The following AP2M1 variants were observed in gnomAD, a reference collection of about 807,000 sequenced individuals.
The protein encoded by AP2M1 is AP-2 complex subunit mu.
Under a neutral mutation model 54.5 loss-of-function variants are expected in AP2M1, and 5 were observed. The observed-to-expected ratio is 0.09, with a 90% CI of 0.05 to 0.19. The LOEUF (loss-of-function observed/expected upper bound fraction) is 0.19, where lower values mean the gene tolerates loss of function less well. Ranked by LOEUF, AP2M1 falls within the 10% of genes least tolerant of loss-of-function variation. The probability of loss-of-function intolerance (pLI) is 1.00; values close to 1 mark genes in which losing one functional copy is unlikely to be tolerated. For synonymous variants in AP2M1, 186 were observed against 208.2 expected (o/e 0.89, Z 0.92); for missense variants, 178 against 580.2 (o/e 0.31, Z 7.12).
intron 1 of AP2M1, 61 bp from the exon 2 acceptor site, chr3:184,176,890 C>A: frequency 8.1e-7 from 1 of 1,236,254 alleles, no homozygotes; most frequent in Non-Finnish European, 1.1e-6. Flanking sequence ...CTGCACAGCT[C>A]CACAGGGGAT....
At chr3:184,176,649 T>G in intron 1 of AP2M1, 2 of 376,948 alleles carry the variant, frequency 5.3e-6, no homozygotes, top group South Asian at 1.2e-4. Flanking sequence ...CCGAAAAGGA[T>G]CATTCCTGAG....
rs1234478522 is a variant in AP2M1 at position 184,182,610 on chromosome 3, T to C, written c.1062-147T>C. ...CTAAAGAAGTAGACCCAAGTTTCCA[T>C]AGCAAGTGGTTAGCAGGGTCCTGAC... On this transcript the variant is annotated intron_variant, in intron 10 of 11. Transcript: ENST00000292807. The surrounding 1 kb of genome is among the most constrained non-coding windows in gnomAD (Gnocchi z 5.5). 4.6e-6 allele frequency: 3 copies of C among 648,208 alleles called. No individual in the cohort carries two copies. Among genetic ancestry groups the C allele is most frequent in the African/African-American group, 1.8e-5 (1 of 54,592 alleles). 40.2% of individuals were successfully genotyped at this position (648,208 alleles called of 1,614,324 possible). A position where few individuals can be genotyped will look rare whatever the true frequency, so the allele number is the denominator to read the frequency against.
rs1365734309 is a variant in AP2M1, at chr3:184,180,918, A to C, written c.499A>C (p.Lys167Gln). The C allele has an allele frequency of 6.2e-7, 1 of 1,614,056 alleles. No homozygotes were observed. The highest frequency in any genetic ancestry group is 1.3e-5 in the African/African-American group (1 of 74,910). The change falls in exon 6 of 12, where the codon AAG becomes CAG. Residue 167 changes from lysine to glutamine, a missense_variant. By Grantham distance (53) the Lys-to-Gln change is moderately conservative (BLOSUM62 1). Around this residue, in one of 5 missense-constraint regions of AP2M1, gnomAD observed 115 missense variants for 331.2 expected, o/e 0.35. Coordinates refer to ENST00000292807, the MANE Select transcript of AP2M1 (RefSeq NM_004068.4). The surrounding 1 kb of genome is among the most constrained non-coding windows in gnomAD (Gnocchi z 4.9). ...GATTGGCTGGCGGCGAGAGGGTATC[A>C]AGTATCGTCGGAATGAGCTCTTCCT... ...GQIGWRREGIKYRRNELFLDV... is the reference protein window; with the variant it reads ...GQIGWRREGIQYRRNELFLDV...
chr3:184,177,636 G>C (rs1478597404), intron 2 of AP2M1: 4 of 1,531,466 alleles, frequency 2.6e-6, no homozygotes, highest in Non-Finnish European at 3.5e-6. Flanking sequence ...GGGTCACTGT[G>C]GGAGGGCAGG....
chr3:184,183,568 A>G lies in AP2M1; in HGVS notation c.1260A>G (p.Lys420=). Residue 420 remains lysine (K), a synonymous_variant, in exon 12 of 12, where the codon AAA becomes AAG. Transcript: ENST00000292807. This position sits in a 1 kb window ranked among gnomAD's most constrained non-coding sequence, Gnocchi z 5.7. ...KLNYSDHDVI[K]WVRYIGRSGI... ...ACTACAGCGACCATGATGTCATCAA[A>G]TGGGTGCGCTACATTGGCCGCAGTG... is the stretch of plus-strand genomic sequence containing the variant. The G allele has an allele frequency of 6.2e-7, 1 of 1,614,094 alleles. No homozygotes were observed. The highest frequency in any genetic ancestry group is 1.7e-5 in the Admixed American group (1 of 60,022).
rs915440016 is a variant in AP2M1 at position 184,174,874 on chromosome 3, C to T, written c.-129C>T. The T allele has an allele frequency of 1.8e-5, 7 of 398,084 alleles. No individual in the cohort carries two copies. The highest frequency in any genetic ancestry group is 3.1e-5 in the Non-Finnish European group (7 of 225,726). The allele number at this position is 398,084 out of a possible 1,614,324, so 24.7% of individuals were successfully genotyped here. ...GGCGGCACTGCGGTGAAAGCCGAGG[C>T]AGCGGGCAGACGAGCAGGGGGCGGG... On this transcript the variant is annotated 5_prime_UTR_variant, in exon 1 of 12. Transcript: ENST00000292807.
In AP2M1 at chr3:184,183,246, A is replaced by C. The variant is rs1034936423; in HGVS notation, c.1174-236A>C. ...TATTGAGCAGGATAAGTATGTTCTA[A>C]AGCAGTTCTTTGGTTGCTGTCTCCT... On this transcript the variant is annotated intron_variant, in intron 11 of 11. Coordinates refer to ENST00000292807, the MANE Select transcript of AP2M1 (RefSeq NM_004068.4). This position sits in a 1 kb window ranked among gnomAD's most constrained non-coding sequence, Gnocchi z 5.7. The C allele has an allele frequency of 1.7e-6, 1 of 589,206 alleles. No homozygotes were observed. Among genetic ancestry groups the C allele is most frequent in the Non-Finnish European group, 3.0e-6 (1 of 334,652 alleles). 36.5% of individuals were successfully genotyped at this position (589,206 alleles called of 1,614,324 possible). A position where few individuals can be genotyped will look rare whatever the true frequency, so the allele number is the denominator to read the frequency against.
chr3:184,180,426 G>A lies in AP2M1; in HGVS notation c.423+175G>A, dbSNP rs983014062. The A allele has an allele frequency of 4.8e-6, 5 of 1,042,572 alleles. No individual in the cohort carries two copies. The African/African-American group carries it at 4.8e-5, about 10-fold the overall frequency. The allele number at this position is 1,042,572 out of a possible 1,614,324, so 64.6% of individuals were successfully genotyped here. ...GCTCTGTGTGGTCCTCCCACTGCAGGAGCAGCCAATTCAGCATCTCTATTA... is the reference window on the plus strand; with the variant it reads ...GCTCTGTGTGGTCCTCCCACTGCAGAAGCAGCCAATTCAGCATCTCTATTA... On this transcript the variant is annotated intron_variant, in intron 4 of 11. Transcript: ENST00000292807. The surrounding 1 kb of genome is among the most constrained non-coding windows in gnomAD (Gnocchi z 4.9).
In AP2M1 at chr3:184,182,438, G is replaced by T. The variant is rs530263812; in HGVS notation, c.1061+190G>T. The T allele has an allele frequency of 2.9e-5, 18 of 629,050 alleles. No individual in the cohort carries two copies. The highest frequency in any genetic ancestry group is 6.3e-5 in the South Asian group (3 of 47,808). The allele number at this position is 629,050 out of a possible 1,614,324, so 39.0% of individuals were successfully genotyped here. On this transcript the variant is annotated intron_variant, in intron 10 of 11. Transcript: ENST00000292807. The surrounding 1 kb of genome is among the most constrained non-coding windows in gnomAD (Gnocchi z 5.5). The stretch of plus-strand genomic sequence containing the variant: ...CACGCCTGCATTTGGGTTCATGCAC[G>T]TGCTTATTTTTTAAGATGCTTTGGC...
chr3:184,183,730 T>A lies in AP2M1; in HGVS notation c.*114T>A, dbSNP rs1304205976. 2 of 1,272,366 alleles carry A rather than the reference T, an allele frequency of 1.6e-6. No individual in the cohort carries two copies. The highest frequency in any genetic ancestry group is 2.2e-6 in the Non-Finnish European group (2 of 917,426). 78.8% of individuals were successfully genotyped at this position (1,272,366 alleles called of 1,614,324 possible). On this transcript the variant is annotated 3_prime_UTR_variant, in exon 12 of 12. Transcript: ENST00000292807. This position sits in a 1 kb window ranked among gnomAD's most constrained non-coding sequence, Gnocchi z 5.7. Reference sequence around the variant, plus strand: ...CTCCCTCCTGCTTTGCTGCCTTCCCTTTGCACCAGCCCGAGTCTAGGTCTG... The same window carrying A: ...CTCCCTCCTGCTTTGCTGCCTTCCCATTGCACCAGCCCGAGTCTAGGTCTG...
At chr3:184,175,669 A>G (rs530352529) in intron 1 of AP2M1, among the ~76,000 whole-genome samples, 260 of 152,184 alleles carry the variant, frequency 1.7e-3, no homozygotes, top group Admixed American at 3.7e-3. Flanking sequence ...TCACCTGAGG[A>G]CGCTGCCTGG....
rs1715301737 is a variant in AP2M1 at position 184,182,339 on chromosome 3, G to A, written c.1061+91G>A. On this transcript the variant is annotated intron_variant, in intron 10 of 11. Coordinates refer to ENST00000292807, the MANE Select transcript of AP2M1 (RefSeq NM_004068.4). The surrounding 1 kb of genome is among the most constrained non-coding windows in gnomAD (Gnocchi z 5.5). ...TTTGATCCTTCTGAATGAGGGGCAG[G>A]GGAGTGTGCCTGTTTGCTTTTCTAG... 1 of 1,389,804 alleles carries A rather than the reference G, an allele frequency of 7.2e-7. No homozygotes were observed. The highest frequency in any genetic ancestry group is 1.4e-5 in the African/African-American group (1 of 69,496). The allele number at this position is 1,389,804 out of a possible 1,614,324, so 86.1% of individuals were successfully genotyped here. A position where few individuals can be genotyped will look rare whatever the true frequency, so the allele number is the denominator to read the frequency against.
Position 184,183,780 on chromosome 3 carries a change from C to T in AP2M1, c.*164C>T, listed in dbSNP as rs1056937. 7,010 of 804,040 alleles carry T rather than the reference C, an allele frequency of 8.7e-3. 349 individuals carry two copies. The African/African-American group carries it at 0.11, about 13-fold the overall frequency. 49.8% of individuals were successfully genotyped at this position (804,040 alleles called of 1,614,324 possible). A position where few individuals can be genotyped will look rare whatever the true frequency, so the allele number is the denominator to read the frequency against. On this transcript the variant is annotated 3_prime_UTR_variant, in exon 12 of 12. Coordinates refer to ENST00000292807, the MANE Select transcript of AP2M1 (RefSeq NM_004068.4). This position sits in a 1 kb window ranked among gnomAD's most constrained non-coding sequence, Gnocchi z 5.7. ...GGGCCAAGCACATTACAAGTGGGAC[C>T]GGTGGAGCAGCCCCTGGGCTCCCTG... is the stretch of plus-strand genomic sequence containing the variant.
chr3:184,177,913 T>C, intron 2 of AP2M1: 1 of 598,388 alleles, frequency 1.7e-6, no homozygotes, highest in Non-Finnish European at 3.0e-6. Context: ...ATGGGCTGGC[T>C]TGGCCCTTGC....
rs1715244436 is a variant in AP2M1 at position 184,180,656 on chromosome 3, C to G, written c.429+6C>G. The stretch of plus-strand genomic sequence containing the variant: ...CCTGCGGCCTCCAGCATCAGGTAAG[C>G]TCTTCCCTCAGCTTCCACCCTTGCA... On this transcript the variant is annotated splice_donor_region_variant and intron_variant, in intron 5 of 11. Transcript: ENST00000292807. The surrounding 1 kb of genome is among the most constrained non-coding windows in gnomAD (Gnocchi z 4.9). The G allele has an allele frequency of 1.4e-5, 22 of 1,614,244 alleles. No homozygotes were observed. Among genetic ancestry groups the G allele is most frequent in the Non-Finnish European group, 1.9e-5 (22 of 1,180,054 alleles).
At position 184,180,429 on chromosome 3, in the gene AP2M1, C is replaced by T. The variant is rs908682256; in HGVS notation, c.423+178C>T. The T allele has an allele frequency of 2.0e-6, 2 of 1,023,108 alleles. No individual in the cohort carries two copies. Among genetic ancestry groups the T allele is most frequent in the African/African-American group, 1.6e-5 (1 of 61,610 alleles). The allele number at this position is 1,023,108 out of a possible 1,614,324, so 63.4% of individuals were successfully genotyped here. ...CTGTGTGGTCCTCCCACTGCAGGAGCAGCCAATTCAGCATCTCTATTACCA... is the reference window on the plus strand; with the variant it reads ...CTGTGTGGTCCTCCCACTGCAGGAGTAGCCAATTCAGCATCTCTATTACCA... On this transcript the variant is annotated intron_variant, in intron 4 of 11. Coordinates refer to ENST00000292807, the MANE Select transcript of AP2M1 (RefSeq NM_004068.4). The surrounding 1 kb of genome is among the most constrained non-coding windows in gnomAD (Gnocchi z 4.9).
chr3:184,176,164 T>A (rs2109027739), intron 1 of AP2M1, among the ~76,000 whole-genome samples: 1 of 152,306 alleles, frequency 6.6e-6, no homozygotes, highest in South Asian at 2.1e-4. Flanking sequence ...ATTTCTTAAT[T>A]TTATGAGCCT....
chr3:184,182,188 A>G lies in AP2M1; in HGVS notation c.1001A>G (p.Gln334Arg). 1 of 1,614,176 alleles carries G rather than the reference A, an allele frequency of 6.2e-7. No individual in the cohort carries two copies. The highest frequency in any genetic ancestry group is 8.5e-7 in the Non-Finnish European group (1 of 1,180,020). Residue 334 changes from glutamine to arginine, a missense_variant, in exon 10 of 12, where the codon CAG becomes CGG. Coordinates refer to ENST00000292807, the MANE Select transcript of AP2M1 (RefSeq NM_004068.4). The surrounding 1 kb of genome is among the most constrained non-coding windows in gnomAD (Gnocchi z 5.5). ...ACCCCACTGAACACAAGCGGGGTGC[A>G]GGTGATCTGCATGAAGGGGAAGGCC... ...IPTPLNTSGV[Q>R]VICMKGKAKY...
rs1305396718 is a variant in AP2M1, at chr3:184,176,641, G to A, written c.-43-310G>A. The A allele has an allele frequency of 3.6e-5, 13 of 365,632 alleles. No homozygotes were observed. The South Asian group carries it at 1.1e-3, about 31-fold the overall frequency. The allele number at this position is 365,632 out of a possible 1,614,324, so 22.6% of individuals were successfully genotyped here. On this transcript the variant is annotated intron_variant, in intron 1 of 11. Coordinates refer to ENST00000292807, the MANE Select transcript of AP2M1 (RefSeq NM_004068.4). ...CCGAGAGTCTGCACAGGAGGGGGCCGAAAAGGATCATTCCTGAGCTCAGTG... is the reference window on the plus strand; with the variant it reads ...CCGAGAGTCTGCACAGGAGGGGGCCAAAAAGGATCATTCCTGAGCTCAGTG...
Sources: gnomAD v4.1 joint callset for allele counts (sites outside exome capture counted in the v4.1 genomes callset) on GRCh38, gnomAD v4.1.1 for gene constraint, gnomAD v4.1.1 regional missense constraint, Gnocchi (gnomAD v3.1) non-coding constraint, MANE v1.5 for transcripts, NCBI Gene and HGNC (gene_info 2026-07-23, HGNC 2026-07-21) for gene names.